Variants in STARD13 observed in about 807,000 individuals in gnomAD.
The protein encoded by STARD13 is stAR-related lipid transfer protein 13.
STARD13 carries 62 observed loss-of-function variants against 106.4 expected under a neutral mutation model. That is an observed-to-expected ratio of 0.58 (90% confidence interval 0.48 to 0.72). The LOEUF (loss-of-function observed/expected upper bound fraction) is 0.72, where lower values mean the gene tolerates loss of function less well. STARD13 is among the 30% of genes least tolerant of loss of function. The pLI is 0.00. For missense variants in STARD13, 1,387 were observed against 1,424.0 expected (o/e 0.97, Z 0.42); for synonymous variants, 565 against 553.0 (o/e 1.02, Z -0.31).
the STARD13 span, among the ~76,000 whole-genome samples, chr13:33,377,302 A>G: frequency 9.7e-5 from 9 of 92,702 alleles, no homozygotes; most frequent in Non-Finnish European, 1.9e-4. Context: ...ACGTTCTGGT[A>G]AAAAAAACAT....
chr13:33,438,655 T>G, the STARD13 span, among the ~76,000 whole-genome samples: 33 of 152,310 alleles, frequency 2.2e-4, no homozygotes, highest in Admixed American at 5.9e-4. Flanking sequence ...GCCAGTCATT[T>G]TTGCCTGGAG....
intron 1 of STARD13, among the ~76,000 whole-genome samples, chr13:33,198,538 A>C (rs1886798514): frequency 6.6e-6 from 1 of 152,148 alleles, no homozygotes. Context: ...TACAGAAATT[A>C]ACCCTTCTCC....
the STARD13 span, among the ~76,000 whole-genome samples, chr13:33,406,966 T>A: frequency 6.6e-6 from 1 of 152,136 alleles, no homozygotes; most frequent in Non-Finnish European, 1.5e-5. Flanking sequence ...AAATACTGAA[T>A]CTGTGAATGT....
intron 1 of STARD13, among the ~76,000 whole-genome samples, chr13:33,185,161 G>A (rs982051204): frequency 6.6e-6 from 1 of 152,162 alleles, no homozygotes; most frequent in Non-Finnish European, 1.5e-5. Context: ...GGTAAATTCT[G>A]ACTGCACTCT....
At chr13:33,111,729 C>A in intron 10 of STARD13, 49 bp downstream of exon 10, 1 of 1,115,214 alleles carries the variant, frequency 9.0e-7, no homozygotes, top group South Asian at 1.2e-5. Context: ...AGCGTCTTAT[C>A]TAGTTCCAAG....
chr13:33,508,245 A>G, the STARD13 span, among the ~76,000 whole-genome samples: 1 of 152,162 alleles, frequency 6.6e-6, no homozygotes, highest in Non-Finnish European at 1.5e-5. Flanking sequence ...CTACATTCCT[A>G]AAAAACTGGT....
chr13:33,482,429 T>C, the STARD13 span, among the ~76,000 whole-genome samples: 1 of 152,210 alleles, frequency 6.6e-6, no homozygotes, highest in Non-Finnish European at 1.5e-5. Context: ...TATTTTGTCC[T>C]AATGTAATGA....
At chr13:33,449,341 A>G in the STARD13 span, among the ~76,000 whole-genome samples, 268 of 152,284 alleles carry the variant, frequency 1.8e-3, 2 homozygotes, top group African/African-American at 6.3e-3. Context: ...TTTTCCTAAC[A>G]CTATTTATTG....
intron 1 of STARD13, among the ~76,000 whole-genome samples, chr13:33,282,837 C>T (rs573396360): frequency 1.2e-4 from 18 of 151,900 alleles, no homozygotes; most frequent in Non-Finnish European, 1.3e-4. Flanking sequence ...GACCAGCCTG[C>T]GCAATATAGT....
chr13:33,388,371 G>A, the STARD13 span, among the ~76,000 whole-genome samples: 1 of 152,226 alleles, frequency 6.6e-6, no homozygotes, highest in South Asian at 2.1e-4. Flanking sequence ...CACCAGCAGA[G>A]GCATAATATC....
chr13:33,668,672 T>C, the STARD13 span, among the ~76,000 whole-genome samples: 1 of 152,204 alleles, frequency 6.6e-6, no homozygotes, highest in Non-Finnish European at 1.5e-5. Flanking sequence ...GAGTGAAAGA[T>C]GATGCTCACC....
chr13:33,378,082 G>T, the STARD13 span, among the ~76,000 whole-genome samples: 1 of 152,092 alleles, frequency 6.6e-6, no homozygotes, highest in African/African-American at 2.4e-5. Context: ...TATTTTAAAG[G>T]GGGGTCTCCA....
chr13:33,163,488 G>T (rs1882881998), intron 3 of STARD13, among the ~76,000 whole-genome samples: 1 of 150,370 alleles, frequency 6.7e-6, no homozygotes, highest in African/African-American at 2.5e-5. Context: ...TACTCTAGAG[G>T]CTGTGGCAGG....
the STARD13 span, among the ~76,000 whole-genome samples, chr13:33,530,556 T>C: frequency 6.6e-6 from 1 of 152,208 alleles, no homozygotes; most frequent in African/African-American, 2.4e-5. Context: ...AATCTGAATT[T>C]TGCAAATTGC....
At chr13:33,215,661 A>G (rs1887998005) in intron 1 of STARD13, among the ~76,000 whole-genome samples, 2 of 152,112 alleles carry the variant, frequency 1.3e-5, no homozygotes, top group Non-Finnish European at 2.9e-5. Context: ...GAGAAATCTC[A>G]TTTTCTAGGC....
chr13:33,551,203 G>A, the STARD13 span, among the ~76,000 whole-genome samples: 1 of 152,182 alleles, frequency 6.6e-6, no homozygotes, highest in Admixed American at 6.5e-5. Context: ...TACCCTTTGT[G>A]GATGTGCCTG....
At chr13:33,418,655 C>T in the STARD13 span, among the ~76,000 whole-genome samples, 2 of 152,368 alleles carry the variant, frequency 1.3e-5, no homozygotes, top group African/African-American at 4.8e-5. Flanking sequence ...TCCCTGACCC[C>T]CGTGTAGCCA....
the STARD13 span, among the ~76,000 whole-genome samples, chr13:33,391,869 A>G: frequency 6.6e-6 from 1 of 152,168 alleles, no homozygotes; most frequent in Admixed American, 6.5e-5. Flanking sequence ...ATGGGATACC[A>G]AAGAAAGATT....
chr13:33,301,346 C>T (rs1396431305), intron 1 of STARD13, among the ~76,000 whole-genome samples: 2 of 152,202 alleles, frequency 1.3e-5, no homozygotes, highest in Non-Finnish European at 2.9e-5. Flanking sequence ...CTTTATTCCT[C>T]TTCCTCCATG....
Sources: gnomAD v4.1 joint callset for allele counts (sites outside exome capture counted in the v4.1 genomes callset) on GRCh38, gnomAD v4.1.1 for gene constraint, MANE v1.5 for transcripts, NCBI Gene and HGNC (gene_info 2026-07-23, HGNC 2026-07-21) for gene names.